The following NMNAT2 variants were observed in gnomAD, a reference collection of about 807,000 sequenced individuals.
NMNAT2 encodes the protein nicotinamide nucleotide adenylyltransferase 2, also known as nicotinamide/nicotinic acid mononucleotide adenylyltransferase 2.
In NMNAT2, 11 loss-of-function variants were observed where a neutral mutation model predicts 41.6. The ratio of observed to expected loss-of-function variants is 0.26; its 90% CI spans 0.17 to 0.44. NMNAT2 has a LOEUF of 0.44. Among genes scored for constraint, NMNAT2 ranks in the 20% least tolerant of loss-of-function variants. NMNAT2 has a pLI of 1.00. For missense variants in NMNAT2, 288 were observed against 407.7 expected, an observed-to-expected ratio of 0.71 and a Z score of 2.53; for synonymous variants, 148 against 151.2, an observed-to-expected ratio of 0.98 and a Z score of 0.16.
intron 1 of NMNAT2, among the ~76,000 whole-genome samples, chr1:183,365,774 C>T (rs1348491328): frequency 6.6e-6 from 1 of 151,974 alleles, no homozygotes; most frequent in East Asian, 1.9e-4. Flanking sequence ...GGCCCACAGC[C>T]CCTGAGAGAT....
At chr1:183,306,293 A>G (rs1217349369) in intron 1 of NMNAT2, among the ~76,000 whole-genome samples, 1 of 152,212 alleles carries the variant, frequency 6.6e-6, no homozygotes, top group Non-Finnish European at 1.5e-5. Flanking sequence ...GGTAAAAGGA[A>G]TCCAGATAGC....
In NMNAT2 at chr1:183,367,135, T is replaced by C. The variant is rs1663430694; in HGVS notation, c.85+51048A>G. ...TATTTCCACATCCTAGCATGGTGCCTGGATCACATCCACACTTTTCTCAGC... is the reference window on the plus strand; with the variant it reads ...TATTTCCACATCCTAGCATGGTGCCCGGATCACATCCACACTTTTCTCAGC... On this transcript the variant is annotated intron_variant, in intron 1 of 10. Coordinates refer to ENST00000287713, the MANE Select transcript of NMNAT2 (RefSeq NM_015039.4). Among the ~76,000 whole-genome samples, 3 of 152,218 alleles carry C rather than the reference T, an allele frequency of 2.0e-5. No homozygotes were observed. The South Asian group carries it at 6.2e-4, about 32-fold the overall frequency.
intron 1 of NMNAT2, among the ~76,000 whole-genome samples, chr1:183,412,283 G>A (rs1649139249): frequency 6.6e-6 from 1 of 152,250 alleles, no homozygotes; most frequent in South Asian, 2.1e-4. Context: ...GAGTGCAGTG[G>A]TGCAATCTCA....
At chr1:183,392,595 A>G (rs1375940561) in intron 1 of NMNAT2, among the ~76,000 whole-genome samples, 5 of 152,150 alleles carry the variant, frequency 3.3e-5, no homozygotes, top group Non-Finnish European at 7.4e-5. Context: ...AAGGCCCTAC[A>G]CAACCTGGGC....
chr1:183,345,632 G>A (rs1571611203), intron 1 of NMNAT2, among the ~76,000 whole-genome samples: 2 of 152,032 alleles, frequency 1.3e-5, no homozygotes, highest in Non-Finnish European at 2.9e-5. Context: ...TGTCAGATGC[G>A]GCCCCTCGAC....
Position 183,264,561 on chromosome 1 carries a change from T to C in NMNAT2, c.652-3258A>G, listed in dbSNP as rs914967008. Among the ~76,000 whole-genome samples the C allele has an allele frequency of 3.3e-5, 5 of 152,288 alleles. No individual in the cohort carries two copies. The East Asian group carries it at 9.6e-4, about 29-fold the overall frequency. On this transcript the variant is annotated intron_variant, in intron 8 of 10. Transcript: ENST00000287713. ...TCTGCTCCTTTGGCCAGACACTGTT[T>C]TTGTAGCACCTGTTTGGAGAATTAT...
intron 1 of NMNAT2, among the ~76,000 whole-genome samples, chr1:183,377,534 T>C (rs2811563): frequency 0.52 from 78,431 of 151,942 alleles, 21,386 homozygotes; most frequent in East Asian, 0.65. Flanking sequence ...TTGGAAGACT[T>C]TGGTGCACTA....
chr1:183,394,277 A>T (rs1012928022), intron 1 of NMNAT2, among the ~76,000 whole-genome samples: 1 of 152,198 alleles, frequency 6.6e-6, no homozygotes, highest in African/African-American at 2.4e-5. Flanking sequence ...GTGATAATAA[A>T]GCAAAACAAA....
chr1:183,347,508 T>A (rs191049114), intron 1 of NMNAT2, among the ~76,000 whole-genome samples: 1 of 152,292 alleles, frequency 6.6e-6, no homozygotes, highest in East Asian at 1.9e-4. Context: ...ATGGGACTGT[T>A]GAGAGGATTA....
intron 1 of NMNAT2, among the ~76,000 whole-genome samples, chr1:183,351,633 G>A (rs1456829001): frequency 6.6e-6 from 1 of 152,142 alleles, no homozygotes; most frequent in Non-Finnish European, 1.5e-5. Flanking sequence ...TCAGCTTAGG[G>A]TCTTTGTTGA....
intron 1 of NMNAT2, among the ~76,000 whole-genome samples, chr1:183,372,294 G>A (rs147719655): frequency 6.6e-6 from 1 of 152,184 alleles, no homozygotes; most frequent in East Asian, 1.9e-4. Context: ...AAAAAACAGA[G>A]ACACAGAAAA....
intron 1 of NMNAT2, among the ~76,000 whole-genome samples, chr1:183,389,211 T>C (rs1402291230): frequency 1.3e-5 from 2 of 152,198 alleles, no homozygotes; most frequent in Non-Finnish European, 2.9e-5. Context: ...TCTTCCTGAA[T>C]CTCTATATCC....
At chr1:183,257,902 T>A (rs1334105874) in intron 10 of NMNAT2, among the ~76,000 whole-genome samples, 2 of 152,200 alleles carry the variant, frequency 1.3e-5, no homozygotes, top group African/African-American at 4.8e-5. Flanking sequence ...TTTAGTTTGT[T>A]CTTCTTTTTC....
intron 1 of NMNAT2, among the ~76,000 whole-genome samples, chr1:183,352,932 C>A (rs1442203736): frequency 6.6e-6 from 1 of 152,162 alleles, no homozygotes; most frequent in Non-Finnish European, 1.5e-5. Context: ...ATGGCCTGGG[C>A]ATACAACTGA....
rs755777182 is a variant in NMNAT2 at position 183,286,697 on chromosome 1, T to C, written c.413A>G (p.Tyr138Cys). 11 of 1,612,158 alleles carry C rather than the reference T, an allele frequency of 6.8e-6. No individual in the cohort carries two copies. In the East Asian group the frequency reaches 2.5e-4, roughly 36 times the overall value. The change falls in exon 5 of 11, where the codon TAC (tyrosine) becomes TGC (cysteine). Residue 138 changes from tyrosine to cysteine, a missense_variant. Tyr to Cys is a radical substitution (Grantham distance 194). Coordinates refer to ENST00000287713, the MANE Select transcript of NMNAT2 (RefSeq NM_015039.4). ...QPQNETPQPIYQNSNVATKPT... is the reference protein window; with the variant it reads ...QPQNETPQPICQNSNVATKPT... ...CTTGGTGGCCACGTTGCTGTTCTGG[T>C]AAATGGGCTGGGGGGTCTCGTTTTG...
chr1:183,370,483 CA>C (rs1440943168), intron 1 of NMNAT2, among the ~76,000 whole-genome samples: 1 of 152,158 alleles, frequency 6.6e-6, no homozygotes, highest in African/African-American at 2.4e-5. Context: ...GTCTGACAGA[CA>C]GCAGAAACTC....
chr1:183,309,214 G>A (rs992701463), intron 1 of NMNAT2, among the ~76,000 whole-genome samples: 1 of 152,040 alleles, frequency 6.6e-6, no homozygotes, highest in Non-Finnish European at 1.5e-5. Flanking sequence ...TGCCCAGGCT[G>A]GTCTCAAACT....
chr1:183,382,188 A>G (rs1663815209), intron 1 of NMNAT2, among the ~76,000 whole-genome samples: 1 of 152,146 alleles, frequency 6.6e-6, no homozygotes, highest in South Asian at 2.1e-4. Context: ...GGAGCAGGAG[A>G]AGGAGAGCAA....
chr1:183,284,761 G>A lies in NMNAT2; in HGVS notation c.478C>T (p.Leu160Phe), dbSNP rs1321352608. 1.9e-6 allele frequency: 3 copies of A among 1,614,126 alleles called. No homozygotes were observed. Among genetic ancestry groups the A allele is most frequent in the Non-Finnish European group, 2.5e-6 (3 of 1,180,008 alleles). ...GGGCGGACACAGCAGATCCGGCTGA[G>A]GCTTTCTCCCACCTTCCCCAAGATC... Reference protein sequence around the residue: ...AKILGKVGESLSRICCVRPPV... With the variant: ...AKILGKVGESFSRICCVRPPV... The change falls in exon 6 of 11, where the codon CTC (leucine) becomes TTC (phenylalanine). Residue 160 changes from leucine to phenylalanine, a missense_variant. By Grantham distance (22) the Leu-to-Phe change is conservative. Around this residue, in one of 3 missense-constraint regions of NMNAT2, gnomAD observed 181 missense variants for 213.7 expected, o/e 0.85. Transcript: ENST00000287713.
Sources: gnomAD v4.1 joint callset for allele counts (sites outside exome capture counted in the v4.1 genomes callset) on GRCh38, gnomAD v4.1.1 for gene constraint, gnomAD v4.1.1 regional missense constraint, MANE v1.5 for transcripts, NCBI Gene and HGNC (gene_info 2026-07-23, HGNC 2026-07-21) for gene names.